Variants in ARHGAP32 observed in about 807,000 individuals in gnomAD.
ARHGAP32 encodes rho GTPase-activating protein 32.
ARHGAP32 carries 51 observed loss-of-function variants against 186.5 expected under a neutral mutation model. The observed-to-expected ratio is 0.27, with a 90% CI of 0.22 to 0.35. The LOEUF is 0.35. ARHGAP32 is among the 10% of genes least tolerant of loss of function. The pLI, the probability that ARHGAP32 is intolerant of heterozygous loss-of-function variation, is 1.00. For missense variants in ARHGAP32, 2,186 were observed against 2,623.5 expected (o/e 0.83, Z 3.64); for synonymous variants, 950 against 964.3 (o/e 0.99, Z 0.27).
At chr11:129,145,932 G>A (rs1054511100) in intron 2 of ARHGAP32, among the ~76,000 whole-genome samples, 3 of 152,096 alleles carry the variant, frequency 2.0e-5, no homozygotes, top group African/African-American at 4.8e-5. Context: ...AGACTTAACA[G>A]TTGTTTACTG....
At chr11:129,127,302 C>T (rs1591636379) in intron 2 of ARHGAP32, among the ~76,000 whole-genome samples, 1 of 152,190 alleles carries the variant, frequency 6.6e-6, no homozygotes, top group African/African-American at 2.4e-5. Flanking sequence ...GGGAAAACCT[C>T]TGCCTAAAAA....
intron 8 of ARHGAP32, 92 bp from the exon 9 acceptor site, chr11:129,064,116 G>A: frequency 7.7e-6 from 9 of 1,165,784 alleles, no homozygotes; most frequent in South Asian, 6.0e-5. Flanking sequence ...TTAATTTAGA[G>A]ATACAATAAC....
rs115266487 is a variant in ARHGAP32, at chr11:129,025,311, A to C, written c.1045+15617T>G. On this transcript the variant is annotated intron_variant, in intron 11 of 22. Coordinates refer to ENST00000682385, the MANE Select transcript of ARHGAP32 (RefSeq NM_001378024.1). Reference sequence around the variant, plus strand: ...TCCAAAATCTTCTGCTGTTGATTGAATTTATTCTTTCCTTCCTCTTTGAAC... The same window carrying C: ...TCCAAAATCTTCTGCTGTTGATTGACTTTATTCTTTCCTTCCTCTTTGAAC... Among the ~76,000 whole-genome samples the C allele has an allele frequency of 5.6e-3, 853 of 152,316 alleles. 11 individuals carry two copies. The highest frequency in any genetic ancestry group is 0.019 in the African/African-American group (801 of 41,570).
intron 1 of ARHGAP32, among the ~76,000 whole-genome samples, chr11:129,218,672 A>G (rs1416714363): frequency 1.3e-5 from 2 of 152,208 alleles, no homozygotes; most frequent in African/African-American, 2.4e-5. Context: ...GAGCCTGAGT[A>G]AAATATTTTC....
intron 12 of ARHGAP32, among the ~76,000 whole-genome samples, chr11:128,995,465 C>G (rs1311195411): frequency 6.6e-6 from 1 of 152,204 alleles, no homozygotes; most frequent in African/African-American, 2.4e-5. Context: ...CTACCTTGGC[C>G]TCCCAAAATA....
intron 1 of ARHGAP32, among the ~76,000 whole-genome samples, chr11:129,234,799 A>G (rs575983587): frequency 6.6e-6 from 1 of 152,236 alleles, no homozygotes; most frequent in South Asian, 2.1e-4. Context: ...CTAGGTTTTT[A>G]GCAACAAAAA....
intron 10 of ARHGAP32, among the ~76,000 whole-genome samples, chr11:129,042,284 G>T (rs1039474031): frequency 2.0e-5 from 3 of 152,096 alleles, no homozygotes; most frequent in African/African-American, 7.2e-5. Flanking sequence ...CTGAGTAGCT[G>T]CGACTCTGGG....
In ARHGAP32 at chr11:128,970,864, C is replaced by T. The variant is rs1200841969; in HGVS notation, c.4349G>A (p.Ser1450Asn). 1 of 1,614,120 alleles carries T rather than the reference C, an allele frequency of 6.2e-7. No homozygotes were observed. Among genetic ancestry groups the T allele is most frequent in the African/African-American group, 1.3e-5 (1 of 74,932 alleles). ...GACAAAGGAATGATAATTTGAACTG[C>T]TGGTGGCATCTGCACTGCTGGAGTG... The part of the protein sequence containing the change: ...AIHSSSADAT[S>N]SSNYHSFVTA... The change falls in exon 23 of 23, where the codon AGC (serine) becomes AAC (asparagine). Residue 1450 changes from serine to asparagine, a missense_variant. Ser to Asn is a conservative substitution (Grantham distance 46). Around this residue, in one of 5 missense-constraint regions of ARHGAP32, gnomAD observed 1,502 missense variants for 1,570.0 expected, o/e 0.96. Coordinates refer to ENST00000682385, the MANE Select transcript of ARHGAP32 (RefSeq NM_001378024.1). This position sits in a 1 kb window ranked among gnomAD's most constrained non-coding sequence, Gnocchi z 5.8.
chr11:129,199,197 T>C (rs1464782083), intron 1 of ARHGAP32, among the ~76,000 whole-genome samples: 1 of 152,236 alleles, frequency 6.6e-6, no homozygotes, highest in Non-Finnish European at 1.5e-5. Context: ...TCAGAAAATT[T>C]GCAGCCTGAC....
upstream of ARHGAP32, among the ~76,000 whole-genome samples, chr11:129,196,346 T>C (rs958403886): frequency 2.6e-5 from 4 of 152,326 alleles, no homozygotes; most frequent in East Asian, 1.9e-4. Context: ...CCTATCTGTA[T>C]TGAACATGTA....
In ARHGAP32 at chr11:128,974,746, A is replaced by C; in HGVS notation, c.2451T>G (p.Ser817Arg). Reference protein sequence around the residue: ...LDFDPMSFQCSPPKAESECLE... With the variant: ...LDFDPMSFQCRPPKAESECLE... ...GACATTCTGATTCGGCCTTAGGAGG[A>C]CTACATTGAAATGACATTGGATCAA... Residue 817 changes from serine to arginine, a missense_variant, in exon 21 of 23, where the codon AGT becomes AGG. Coordinates refer to ENST00000682385, the MANE Select transcript of ARHGAP32 (RefSeq NM_001378024.1). 4 of 1,614,164 alleles carry C rather than the reference A, an allele frequency of 2.5e-6. No homozygotes were observed. The highest frequency in any genetic ancestry group is 3.4e-6 in the Non-Finnish European group (4 of 1,180,022).
intron 2 of ARHGAP32, among the ~76,000 whole-genome samples, chr11:129,144,527 C>T (rs1943129004): frequency 6.6e-6 from 1 of 152,146 alleles, no homozygotes; most frequent in Non-Finnish European, 1.5e-5. Flanking sequence ...AATATCTGGG[C>T]ACCACAGACC....
chr11:129,169,933 T>A (rs1943723276), intron 1 of ARHGAP32, among the ~76,000 whole-genome samples: 1 of 151,916 alleles, frequency 6.6e-6, no homozygotes, highest in Non-Finnish European at 1.5e-5. Context: ...ATCCATCCAA[T>A]AAGGCCAAGC....
chr11:129,266,141 G>A (rs1434398526), intron 1 of ARHGAP32, among the ~76,000 whole-genome samples: 2 of 151,998 alleles, frequency 1.3e-5, no homozygotes, highest in South Asian at 2.1e-4. Flanking sequence ...AAAGGTACAC[G>A]GAACACAATT....
At chr11:129,147,008 T>C (rs1303968251) in intron 2 of ARHGAP32, among the ~76,000 whole-genome samples, 1 of 152,064 alleles carries the variant, frequency 6.6e-6, no homozygotes, top group East Asian at 1.9e-4. Flanking sequence ...TTAAAATCAG[T>C]ATGATTTTTG....
intron 11 of ARHGAP32, among the ~76,000 whole-genome samples, chr11:129,000,839 T>G (rs1193374430): frequency 6.6e-6 from 1 of 152,138 alleles, no homozygotes; most frequent in Non-Finnish European, 1.5e-5. Context: ...TTTCAACTGT[T>G]TGGATTTTCA....
At chr11:129,194,811 A>G (rs1396946267), upstream of ARHGAP32, among the ~76,000 whole-genome samples, 3 of 152,084 alleles carry the variant, frequency 2.0e-5, no homozygotes, top group African/African-American at 7.2e-5. Context: ...TATAATCCTT[A>G]CCAAAATATT....
chr11:129,206,832 G>C (rs1204834067), intron 1 of ARHGAP32, among the ~76,000 whole-genome samples: 1 of 151,420 alleles, frequency 6.6e-6, no homozygotes, highest in African/African-American at 2.4e-5. Context: ...GTATACATGT[G>C]CCATGGTGGT....
chr11:129,126,068 CTCA>C (rs1565434651), intron 2 of ARHGAP32: 1 of 406,492 alleles, frequency 2.5e-6, no homozygotes, highest in Non-Finnish European at 4.8e-6. Flanking sequence ...TTCATCAGTA[CTCA>C]TCATCATTCA....
Sources: allele counts gnomAD v4.1 joint callset (sites outside exome capture counted in the v4.1 genomes callset), GRCh38; gene constraint gnomAD v4.1.1; regional missense constraint gnomAD v4.1.1; non-coding constraint Gnocchi (gnomAD v3.1); transcripts MANE v1.5; gene names NCBI Gene and HGNC (gene_info 2026-07-23, HGNC 2026-07-21).